Variants in SH3PXD2A observed in about 807,000 individuals in gnomAD.
The protein encoded by SH3PXD2A is SH3 and PX domains 2A.
Under a neutral mutation model 115.2 loss-of-function variants are expected in SH3PXD2A, and 32 were observed. The observed-to-expected ratio is 0.28, with a 90% CI of 0.21 to 0.37. SH3PXD2A has a LOEUF of 0.37. SH3PXD2A is among the 10% of genes least tolerant of loss of function. The probability of loss-of-function intolerance (pLI) is 1.00; values close to 1 mark genes in which losing one functional copy is unlikely to be tolerated. For synonymous variants in SH3PXD2A, 610 were observed against 629.1 expected, an observed-to-expected ratio of 0.97 and a Z score of 0.45; for missense variants, 1,328 against 1,498.7, an observed-to-expected ratio of 0.89 and a Z score of 1.88.
chr10:103,815,330 T>C lies in SH3PXD2A; in HGVS notation c.73-13968A>G, dbSNP rs140879725. The stretch of plus-strand genomic sequence containing the variant: ...GCAAATATTCTAGACAAAGGACTTA[T>C]ATCTGGAACATATAAAGAACTCTTA... On this transcript the variant is annotated intron_variant, in intron 1 of 14. Coordinates refer to ENST00000369774, the MANE Select transcript of SH3PXD2A (RefSeq NM_001394015.1). Among the ~76,000 whole-genome samples, 239 of 151,782 alleles carry C rather than the reference T, an allele frequency of 1.6e-3. 1 individual carries two copies. The highest frequency in any genetic ancestry group is 5.4e-3 in the African/African-American group (225 of 41,476).
chr10:103,733,020 C>T (rs2038340235), intron 4 of SH3PXD2A, among the ~76,000 whole-genome samples: 1 of 152,178 alleles, frequency 6.6e-6, no homozygotes, highest in Non-Finnish European at 1.5e-5. Flanking sequence ...CAGATCCCAG[C>T]TTCTTAGTTC....
At position 103,606,213 on chromosome 10, in the gene SH3PXD2A, CATCATCATT is replaced by C. The variant is rs1428223165; in HGVS notation, c.1309-305_1309-297del. ...TCATCATCATCATCATCATCATCAT[CATCATCATT>C]ACTCTGAGATAGGGTCTTGCTTTGG... On this transcript the variant is annotated intron_variant, in intron 13 of 14. Transcript: ENST00000369774. Among the ~76,000 whole-genome samples, 93 of 148,406 alleles carry C rather than the reference CATCATCATT, an allele frequency of 6.3e-4. 1 individual carries two copies. The highest frequency in any genetic ancestry group is 2.3e-3 in the African/African-American group (88 of 38,506).
At chr10:103,689,403 G>A (rs1347374977) in intron 6 of SH3PXD2A, among the ~76,000 whole-genome samples, 1 of 152,142 alleles carries the variant, frequency 6.6e-6, no homozygotes, top group East Asian at 1.9e-4. Flanking sequence ...AGTAGCTCAC[G>A]CCTGTCATCC....
intron 10 of SH3PXD2A, among the ~76,000 whole-genome samples, chr10:103,621,737 C>T (rs569760701): frequency 3.9e-4 from 59 of 152,218 alleles, no homozygotes; most frequent in Non-Finnish European, 7.4e-4. Context: ...CCTTACCTCC[C>T]AGGTTCCTGG....
chr10:103,675,276 G>A (rs955377779), intron 6 of SH3PXD2A, among the ~76,000 whole-genome samples: 3 of 152,178 alleles, frequency 2.0e-5, no homozygotes, highest in African/African-American at 7.2e-5. Flanking sequence ...AATAATTTAT[G>A]AATGAGAGAG....
intron 1 of SH3PXD2A, among the ~76,000 whole-genome samples, chr10:103,836,994 T>C (rs990197782): frequency 6.6e-6 from 1 of 152,156 alleles, no homozygotes. Context: ...GATGAAGATA[T>C]TAGATTTCTA....
intron 8 of SH3PXD2A, among the ~76,000 whole-genome samples, chr10:103,645,949 C>A (rs140138650): frequency 0.012 from 1,876 of 152,330 alleles, 15 homozygotes; most frequent in Non-Finnish European, 0.018. Context: ...TGTGGATGAC[C>A]TGAACCGTCT....
At chr10:103,776,116 G>GTGGCTCA (rs1298241266) in intron 2 of SH3PXD2A, among the ~76,000 whole-genome samples, 1 of 152,164 alleles carries the variant, frequency 6.6e-6, no homozygotes, top group East Asian at 1.9e-4. Context: ...GCCGGACACC[G>GTGGCTCA]TGGCTCATGC....
chr10:103,801,571 C>CACACACACACA (rs1178783303), intron 1 of SH3PXD2A, among the ~76,000 whole-genome samples: 2 of 35,106 alleles, frequency 5.7e-5, no homozygotes, highest in Admixed American at 2.6e-4. Flanking sequence ...ACACACATAC[C>CACACACACACA]CCTAGAGGGA....
intron 2 of SH3PXD2A, among the ~76,000 whole-genome samples, chr10:103,800,701 A>T (rs908544513): frequency 6.6e-6 from 1 of 152,216 alleles, no homozygotes; most frequent in East Asian, 1.9e-4. Flanking sequence ...GGGTGTCTGC[A>T]GGGGTAGCTG....
At chr10:103,810,276 C>A (rs2039253155) in intron 1 of SH3PXD2A, among the ~76,000 whole-genome samples, 1 of 152,186 alleles carries the variant, frequency 6.6e-6, no homozygotes, top group South Asian at 2.1e-4. Context: ...CAACAAATAT[C>A]CAGTGAGTGC....
chr10:103,699,805 T>C (rs2037870108), intron 5 of SH3PXD2A, among the ~76,000 whole-genome samples: 1 of 152,220 alleles, frequency 6.6e-6, no homozygotes, highest in Non-Finnish European at 1.5e-5. Context: ...AATCTGTCCT[T>C]TCTCCGCAGG....
chr10:103,820,747 G>A (rs1015353682), intron 1 of SH3PXD2A, among the ~76,000 whole-genome samples: 7 of 152,238 alleles, frequency 4.6e-5, no homozygotes, highest in South Asian at 2.1e-4. Context: ...GGGGTTGGGC[G>A]CCCCTCCCAG....
At chr10:103,762,583 G>C (rs578042693) in intron 3 of SH3PXD2A, among the ~76,000 whole-genome samples, 1 of 152,138 alleles carries the variant, frequency 6.6e-6, no homozygotes, top group Non-Finnish European at 1.5e-5. Flanking sequence ...ACCATGAAAC[G>C]TCTGGGTTTT....
At chr10:103,776,857 G>A (rs1347314908) in intron 2 of SH3PXD2A, among the ~76,000 whole-genome samples, 1 of 152,122 alleles carries the variant, frequency 6.6e-6, no homozygotes, top group African/African-American at 2.4e-5. Context: ...CCCAAATAAG[G>A]TCACATTCTG....
At chr10:103,820,156 G>A (rs373290468) in intron 1 of SH3PXD2A, among the ~76,000 whole-genome samples, 12 of 152,186 alleles carry the variant, frequency 7.9e-5, no homozygotes, top group East Asian at 5.8e-4. Flanking sequence ...CCAGGCACCG[G>A]ATCTGAGAGC....
chr10:103,621,184 C>T (rs761557916), intron 10 of SH3PXD2A, among the ~76,000 whole-genome samples: 1 of 152,152 alleles, frequency 6.6e-6, no homozygotes, highest in Non-Finnish European at 1.5e-5. Context: ...GTGTTTGGGG[C>T]TCAGTGTGCA....
chr10:103,777,313 C>G (rs2038889652), intron 2 of SH3PXD2A, among the ~76,000 whole-genome samples: 1 of 152,270 alleles, frequency 6.6e-6, no homozygotes, highest in Non-Finnish European at 1.5e-5. Flanking sequence ...GAAACTACAA[C>G]CCTGAGGTCA....
At chr10:103,603,823 G>C in intron 14 of SH3PXD2A, 34 bp from the exon 15 acceptor site, 1 of 1,565,682 alleles carries the variant, frequency 6.4e-7, no homozygotes, top group East Asian at 2.3e-5. Flanking sequence ...CAGTGAGTTG[G>C]GAGGATCTGG....
Sources: gnomAD v4.1 joint callset for allele counts (sites outside exome capture counted in the v4.1 genomes callset) on GRCh38, gnomAD v4.1.1 for gene constraint, MANE v1.5 for transcripts, NCBI Gene and HGNC (gene_info 2026-07-23, HGNC 2026-07-21) for gene names.